The following EYS variants were observed in gnomAD, a reference collection of about 807,000 sequenced individuals.
EYS encodes EGF-like photoreceptor maintenance factor, also known as protein eyes shut homolog.
Under a neutral mutation model 282.1 loss-of-function variants are expected in EYS, and 250 were observed. The ratio of observed to expected loss-of-function variants is 0.89; its 90% CI spans 0.80 to 0.98. The LOEUF (loss-of-function observed/expected upper bound fraction) is 0.98, where lower values mean the gene tolerates loss of function less well. Ranked by LOEUF, EYS falls within the 50% of genes least tolerant of loss-of-function variation. The pLI is 0.00. For missense variants in EYS, 4,016 were observed against 3,709.0 expected, an observed-to-expected ratio of 1.08 and a Z score of -2.15; for synonymous variants, 1,355 against 1,282.9, an observed-to-expected ratio of 1.06 and a Z score of -1.20.
At chr6:64,052,476 A>G (rs987251520) in intron 33 of EYS, among the ~76,000 whole-genome samples, 4 of 152,154 alleles carry the variant, frequency 2.6e-5, no homozygotes, top group African/African-American at 4.8e-5. Context: ...AATGTGCTAA[A>G]CTTTCCTGCA....
chr6:63,985,559 C>T (rs1157421476), intron 34 of EYS, among the ~76,000 whole-genome samples: 1 of 151,682 alleles, frequency 6.6e-6, no homozygotes, highest in African/African-American at 2.4e-5. Flanking sequence ...GTTACCGTTT[C>T]CTTTCTCCCA....
chr6:64,177,095 T>C (rs1764659884), intron 31 of EYS, among the ~76,000 whole-genome samples: 1 of 151,746 alleles, frequency 6.6e-6, no homozygotes, highest in South Asian at 2.1e-4. Flanking sequence ...ATAATTTACA[T>C]CATTTGGTAA....
intron 12 of EYS, among the ~76,000 whole-genome samples, chr6:65,270,497 T>C (rs1010006006): frequency 6.6e-6 from 1 of 152,116 alleles, no homozygotes; most frequent in African/African-American, 2.4e-5. Context: ...ACAAAATACA[T>C]CCTAACTGTT....
intron 35 of EYS, among the ~76,000 whole-genome samples, chr6:63,908,243 C>A (rs76647144): frequency 0.071 from 10,674 of 150,748 alleles, 418 homozygotes; most frequent in South Asian, 0.12. Flanking sequence ...ATCAAGAATG[C>A]AAATTAAAAC....
At chr6:64,085,340 G>GCGCGCGCACACACACACACACACACA (rs112388321) in intron 31 of EYS, among the ~76,000 whole-genome samples, 96 of 139,880 alleles carry the variant, frequency 6.9e-4, no homozygotes, top group African/African-American at 2.7e-3. Context: ...ACGTGCGCGC[G>GCGCGCGCACACACACACACACACACA]CACACACACA....
chr6:64,979,228 C>T (rs148485146), intron 14 of EYS, among the ~76,000 whole-genome samples: 7 of 151,844 alleles, frequency 4.6e-5, no homozygotes, highest in African/African-American at 1.7e-4. Flanking sequence ...ATCAAAGCCA[C>T]AATATCTCTG....
At chr6:64,433,868 T>C (rs1437232220) in intron 28 of EYS, among the ~76,000 whole-genome samples, 1 of 151,982 alleles carries the variant, frequency 6.6e-6, no homozygotes, top group Non-Finnish European at 1.5e-5. Context: ...GAGATCTGGG[T>C]TCTAATCTTG....
intron 12 of EYS, among the ~76,000 whole-genome samples, chr6:65,210,870 G>T (rs896932354): frequency 4.0e-5 from 6 of 151,422 alleles, no homozygotes; most frequent in Non-Finnish European, 8.8e-5. Flanking sequence ...ATGGCCTCTT[G>T]ACTAGCAAGT....
intron 19 of EYS, among the ~76,000 whole-genome samples, chr6:64,854,476 G>A (rs1360157631): frequency 6.6e-6 from 1 of 151,606 alleles, no homozygotes; most frequent in Non-Finnish European, 1.5e-5. Flanking sequence ...ATTATTCTCA[G>A]CAAACTATCA....
intron 31 of EYS, among the ~76,000 whole-genome samples, chr6:64,172,588 A>G (rs1057027355): frequency 5.9e-5 from 9 of 152,158 alleles, no homozygotes; most frequent in Non-Finnish European, 1.0e-4. Context: ...TCTTAAAAGG[A>G]AATACAATCA....
At chr6:63,887,431 A>T (rs904364378) in intron 35 of EYS, among the ~76,000 whole-genome samples, 1 of 150,194 alleles carries the variant, frequency 6.7e-6, no homozygotes, top group Non-Finnish European at 1.5e-5. Context: ...AAGGCCAGTG[A>T]TTTCTGCATT....
At chr6:65,667,795 T>C (rs79484143) in intron 1 of EYS, among the ~76,000 whole-genome samples, 3,360 of 151,958 alleles carry the variant, frequency 0.022, 140 homozygotes, top group African/African-American at 0.078. Context: ...TCACAATACA[T>C]ATTTGTGTAA....
chr6:65,212,052 T>G (rs1211649914), intron 12 of EYS, among the ~76,000 whole-genome samples: 2 of 151,312 alleles, frequency 1.3e-5, no homozygotes, highest in Admixed American at 6.6e-5. Flanking sequence ...AAACAAAACA[T>G]AGACATAGAG....
At chr6:64,098,049 A>T (rs763460967) in intron 31 of EYS, among the ~76,000 whole-genome samples, 7 of 152,228 alleles carry the variant, frequency 4.6e-5, no homozygotes, top group African/African-American at 7.2e-5. Flanking sequence ...TGTGGATTAG[A>T]TGAAACTGTT....
Position 64,738,014 on chromosome 6 carries a change from C to T in EYS, c.3443+75364G>A, listed in dbSNP as rs556547620. 4.6e-5 allele frequency among the ~76,000 whole-genome samples: 7 copies of T among 152,204 alleles called. No homozygotes were observed. The East Asian group carries it at 1.4e-3, about 29-fold the overall frequency. On this transcript the variant is annotated intron_variant, in intron 22 of 42. Coordinates refer to ENST00000503581, the MANE Select transcript of EYS (RefSeq NM_001142800.2). Reference sequence around the variant, plus strand: ...CTTATAGTCTTTCTTTAGCTTATCACTATGCTAAAGGTATAGAGGTTGGTA... The same window carrying T: ...CTTATAGTCTTTCTTTAGCTTATCATTATGCTAAAGGTATAGAGGTTGGTA...
intron 26 of EYS, among the ~76,000 whole-genome samples, chr6:64,460,414 T>A (rs1045333701): frequency 2.2e-4 from 33 of 152,318 alleles, no homozygotes; most frequent in African/African-American, 6.3e-4. Flanking sequence ...ATATGCAACA[T>A]AATCAAATAA....
At chr6:64,261,462 TTA>T (rs1767585900) in intron 30 of EYS, among the ~76,000 whole-genome samples, 1 of 152,174 alleles carries the variant, frequency 6.6e-6, no homozygotes, top group Admixed American at 6.6e-5. Flanking sequence ...AACATCTTAT[TTA>T]TGTTTTTGTC....
intron 1 of EYS, among the ~76,000 whole-genome samples, chr6:65,678,652 A>G (rs1562323873): frequency 6.6e-6 from 1 of 151,996 alleles, no homozygotes; most frequent in African/African-American, 2.4e-5. Context: ...GTAAAAAATC[A>G]ACAGAGTAAA....
intron 12 of EYS, among the ~76,000 whole-genome samples, chr6:65,255,709 A>G (rs559156154): frequency 9.1e-4 from 138 of 152,252 alleles, no homozygotes; most frequent in Non-Finnish European, 1.6e-3. Context: ...CTGAACAGAC[A>G]TTTCTAAAAA....
Sources: allele counts gnomAD v4.1 joint callset (sites outside exome capture counted in the v4.1 genomes callset), GRCh38; gene constraint gnomAD v4.1.1; transcripts MANE v1.5; gene names NCBI Gene and HGNC (gene_info 2026-07-23, HGNC 2026-07-21).